Variants in RNF217 observed in about 807,000 individuals in gnomAD.
The protein encoded by RNF217 is E3 ubiquitin-protein ligase RNF217.
Under a neutral mutation model 57.8 loss-of-function variants are expected in RNF217, and 31 were observed. The observed-to-expected ratio is 0.54, with a 90% CI of 0.40 to 0.72. The LOEUF (loss-of-function observed/expected upper bound fraction) is 0.72. Ranked by LOEUF, RNF217 falls within the 30% of genes least tolerant of loss-of-function variation. The probability of loss-of-function intolerance (pLI) is 0.00; values close to 1 mark genes in which losing one functional copy is unlikely to be tolerated. For synonymous variants in RNF217, 313 were observed against 294.0 expected (o/e 1.06, Z -0.66); for missense variants, 696 against 708.3 (o/e 0.98, Z 0.20).
Position 125,088,549 on chromosome 6 carries a change from C to G in RNF217, c.*5612C>G, listed in dbSNP as rs1243514417. On this transcript the variant is annotated 3_prime_UTR_variant, in exon 6 of 6. Coordinates refer to ENST00000521654, the MANE Select transcript of RNF217 (RefSeq NM_001286398.3). ...AAGCTTTACCATATCACATACCTTA[C>G]AAAATCCCTATACATATTGCCAGTT... is the stretch of plus-strand genomic sequence containing the variant. 1 of 152,128 alleles carries G rather than the reference C, an allele frequency of 6.6e-6. No individual in the cohort carries two copies. The highest frequency in any genetic ancestry group is 2.4e-5 in the African/African-American group (1 of 41,434). The allele number at this position is 152,128 out of a possible 1,614,324, so 9.4% of individuals were successfully genotyped here.
intron 3 of RNF217, among the ~76,000 whole-genome samples, chr6:125,074,314 T>C (rs1788272907): frequency 6.8e-6 from 1 of 147,524 alleles, no homozygotes; most frequent in African/African-American, 2.5e-5. Context: ...GATAGATAGA[T>C]AGATAGATAG....
chr6:124,971,572 C>A, intron 1 of RNF217: 1 of 250,090 alleles, frequency 4.0e-6, no homozygotes, highest in African/African-American at 2.3e-5. Flanking sequence ...TCTCCTGCCT[C>A]AGCCTTCCGA....
In RNF217 at chr6:125,088,140, CCTA is replaced by C. The variant is rs2114672768; in HGVS notation, c.*5207_*5209del. 6.6e-6 allele frequency: 1 copy of C among 151,188 alleles called. No individual in the cohort carries two copies. Among genetic ancestry groups the C allele is most frequent in the Admixed American group, 6.6e-5 (1 of 15,120 alleles). 9.4% of individuals were successfully genotyped at this position (151,188 alleles called of 1,614,324 possible). On this transcript the variant is annotated 3_prime_UTR_variant, in exon 6 of 6. Transcript: ENST00000521654. ...GAGTAGCTGGGATTACAAGCACGTG[CCTA>C]CTATGCCTGTCTTCAAAATCACATT...
Position 125,083,563 on chromosome 6 carries a change from A to G in RNF217, c.*626A>G, listed in dbSNP as rs1788680520. 1 of 152,112 alleles carries G rather than the reference A, an allele frequency of 6.6e-6. No individual in the cohort carries two copies. The highest frequency in any genetic ancestry group is 1.5e-5 in the Non-Finnish European group (1 of 68,012). The allele number at this position is 152,112 out of a possible 1,614,324, so 9.4% of individuals were successfully genotyped here. On this transcript the variant is annotated 3_prime_UTR_variant, in exon 6 of 6. Coordinates refer to ENST00000521654, the MANE Select transcript of RNF217 (RefSeq NM_001286398.3). ...CGTAGGGGCGTGAATGTGTGTGTAT[A>G]TAAATATGTATTAAAACTAGGCCCA...
chr6:125,019,831 A>AGGGGGGG (rs375622929), intron 1 of RNF217, among the ~76,000 whole-genome samples: 1 of 140,278 alleles, frequency 7.1e-6, no homozygotes, highest in African/African-American at 2.7e-5. Flanking sequence ...CCTTTTTTGC[A>AGGGGGGG]GTGGGGGGGG....
chr6:124,980,495 G>T (rs138716536), intron 1 of RNF217, among the ~76,000 whole-genome samples: 2 of 152,164 alleles, frequency 1.3e-5, no homozygotes, highest in African/African-American at 4.8e-5. Context: ...AATTGTTTTG[G>T]ATAAGTCATT....
intron 1 of RNF217, among the ~76,000 whole-genome samples, chr6:124,995,573 GT>G (rs1784716017): frequency 1.3e-5 from 2 of 152,036 alleles, no homozygotes; most frequent in African/African-American, 4.8e-5. Flanking sequence ...TTTCATTGTT[GT>G]TTTGGAGTTT....
At chr6:125,013,085 A>AT (rs559128266) in intron 1 of RNF217, among the ~76,000 whole-genome samples, 1 of 151,840 alleles carries the variant, frequency 6.6e-6, no homozygotes, top group East Asian at 1.9e-4. Flanking sequence ...TTTAGTTCTG[A>AT]TTTTTTTTCA....
At chr6:125,064,566 A>G (rs562525114) in intron 3 of RNF217, among the ~76,000 whole-genome samples, 1 of 152,200 alleles carries the variant, frequency 6.6e-6, no homozygotes, top group Non-Finnish European at 1.5e-5. Context: ...TTTAACATGT[A>G]AATACTCAGA....
chr6:125,022,193 T>A (rs1785871501), intron 1 of RNF217, among the ~76,000 whole-genome samples: 1 of 152,202 alleles, frequency 6.6e-6, no homozygotes. Context: ...GTTTTCTTAC[T>A]GGTTCTAACA....
At chr6:124,997,238 C>T (rs930502979) in intron 1 of RNF217, among the ~76,000 whole-genome samples, 7 of 152,128 alleles carry the variant, frequency 4.6e-5, no homozygotes, top group African/African-American at 1.4e-4. Flanking sequence ...GTTCACGGCT[C>T]CATGTATTTG....
At chr6:125,033,382 C>T (rs1397861654) in intron 1 of RNF217, among the ~76,000 whole-genome samples, 7 of 134,434 alleles carry the variant, frequency 5.2e-5, no homozygotes, top group Non-Finnish European at 9.3e-5. Context: ...GTGTGATGTT[C>T]CCCTTCCTGT....
chr6:124,993,503 G>A (rs138485712), intron 1 of RNF217, among the ~76,000 whole-genome samples: 132 of 152,196 alleles, frequency 8.7e-4, no homozygotes, highest in African/African-American at 3.0e-3. Context: ...CCTCAGTTGC[G>A]CAAATATTCA....
intron 1 of RNF217, among the ~76,000 whole-genome samples, chr6:125,014,730 C>A (rs1461947972): frequency 2.0e-5 from 3 of 152,108 alleles, no homozygotes; most frequent in Non-Finnish European, 4.4e-5. Context: ...CATTCATTTA[C>A]CTGGGATACA....
chr6:125,014,150 T>C (rs992295501), intron 1 of RNF217, among the ~76,000 whole-genome samples: 3 of 152,138 alleles, frequency 2.0e-5, no homozygotes, highest in East Asian at 1.9e-4. Context: ...TTCCCTGGAG[T>C]TGGTCAGAAT....
chr6:125,031,244 G>A (rs473306), intron 1 of RNF217, among the ~76,000 whole-genome samples: 1 of 152,166 alleles, frequency 6.6e-6, no homozygotes, highest in Non-Finnish European at 1.5e-5. Context: ...TAGGAGCTGC[G>A]ATGAAGGCCT....
At chr6:125,035,305 G>A (rs1015783686) in intron 1 of RNF217, among the ~76,000 whole-genome samples, 1 of 151,930 alleles carries the variant, frequency 6.6e-6, no homozygotes, top group Non-Finnish European at 1.5e-5. Flanking sequence ...TCCAGTTTTT[G>A]CCCATTCAGT....
In RNF217 at chr6:124,987,339, C is replaced by T. The variant is rs112906578; in HGVS notation, c.882+23913C>T. ...TAATTTTGAAACTTTTTTTATTCCC[C>T]CTAAGAGAAATCCCATACCCATTAT... On this transcript the variant is annotated intron_variant, in intron 1 of 5. Coordinates refer to ENST00000521654, the MANE Select transcript of RNF217 (RefSeq NM_001286398.3). Among the ~76,000 whole-genome samples the T allele has an allele frequency of 3.4e-3, 522 of 152,152 alleles. 1 individual carries two copies. Among genetic ancestry groups the T allele is most frequent in the African/African-American group, 0.012 (508 of 41,524 alleles).
intron 1 of RNF217, among the ~76,000 whole-genome samples, chr6:125,042,545 A>G (rs1248601937): frequency 6.6e-6 from 1 of 152,136 alleles, no homozygotes; most frequent in Non-Finnish European, 1.5e-5. Flanking sequence ...AAAATAGTCA[A>G]TGCAGAGAGT....
Sources: gnomAD v4.1 joint callset for allele counts (sites outside exome capture counted in the v4.1 genomes callset) on GRCh38, gnomAD v4.1.1 for gene constraint, MANE v1.5 for transcripts, NCBI Gene and HGNC (gene_info 2026-07-23, HGNC 2026-07-21) for gene names.